SEMA6D: variants seen among roughly 807,000 people sequenced by gnomAD.
SEMA6D encodes semaphorin 6D.
SEMA6D carries 35 observed loss-of-function variants against 106.6 expected under a neutral mutation model. The ratio of observed to expected loss-of-function variants is 0.33; its 90% CI spans 0.25 to 0.44. The LOEUF is 0.44. Ranked by LOEUF, SEMA6D falls within the 20% of genes least tolerant of loss-of-function variation. The probability of loss-of-function intolerance (pLI) is 1.00; values close to 1 mark genes in which losing one functional copy is unlikely to be tolerated. For synonymous variants in SEMA6D, 499 were observed against 487.7 expected (o/e 1.02, Z -0.31); for missense variants, 1,185 against 1,345.9 (o/e 0.88, Z 1.87).
chr15:47,584,915 C>T (rs796256599), intron 3 of SEMA6D, among the ~76,000 whole-genome samples: 15 of 152,252 alleles, frequency 9.9e-5, no homozygotes, highest in African/African-American at 3.6e-4. Context: ...AAGTTTCTTT[C>T]AAGGCTGTGA....
At chr15:47,630,038 T>C (rs2077266817) in intron 4 of SEMA6D, among the ~76,000 whole-genome samples, 1 of 151,926 alleles carries the variant, frequency 6.6e-6, no homozygotes, top group African/African-American at 2.4e-5. Flanking sequence ...TTTGATATAC[T>C]GATTTCTTTT....
chr15:47,547,016 T>C (rs910760860), intron 3 of SEMA6D, among the ~76,000 whole-genome samples: 14 of 152,054 alleles, frequency 9.2e-5, no homozygotes, highest in African/African-American at 3.1e-4. Flanking sequence ...CAGTGGAGGA[T>C]CACAGCTTAC....
At chr15:47,280,227 G>A (rs1341191556) in intron 1 of SEMA6D, among the ~76,000 whole-genome samples, 6 of 152,120 alleles carry the variant, frequency 3.9e-5, no homozygotes, top group Admixed American at 2.6e-4. Context: ...TCTATTCAGA[G>A]ATTCAACTTC....
At chr15:47,499,886 A>T (rs1435764) in intron 3 of SEMA6D, among the ~76,000 whole-genome samples, 70,560 of 151,700 alleles carry the variant, frequency 0.47, 17,883 homozygotes, top group East Asian at 0.82. Flanking sequence ...TTTGTTTTAA[A>T]CTTCAGTGCT....
At chr15:47,524,385 C>G (rs1039262163) in intron 3 of SEMA6D, among the ~76,000 whole-genome samples, 2 of 152,112 alleles carry the variant, frequency 1.3e-5, no homozygotes, top group Non-Finnish European at 2.9e-5. Context: ...TACCGTTCCC[C>G]CTTGTGAGGC....
rs538781081 is a variant in SEMA6D at position 47,740,311 on chromosome 15, G to C, written c.-54-19434G>C. 5.3e-5 allele frequency among the ~76,000 whole-genome samples: 8 copies of C among 152,270 alleles called. No individual in the cohort carries two copies. The East Asian group carries it at 1.4e-3, about 26-fold the overall frequency. On this transcript the variant is annotated intron_variant, in intron 1 of 18. Coordinates refer to ENST00000536845, the MANE Select transcript of SEMA6D (RefSeq NM_001358351.3). ...TGAGGTGGGCAGATCAGCAGGTCAAGAGATCGAGACCATCCTGACCAACAT... is the reference window on the plus strand; with the variant it reads ...TGAGGTGGGCAGATCAGCAGGTCAACAGATCGAGACCATCCTGACCAACAT...
At chr15:47,519,428 G>A (rs1268018747) in intron 3 of SEMA6D, among the ~76,000 whole-genome samples, 1 of 152,104 alleles carries the variant, frequency 6.6e-6, no homozygotes, top group South Asian at 2.1e-4. Context: ...ATTATGAAGA[G>A]CATTACTGTA....
Position 47,704,901 on chromosome 15 carries a change from T to G in SEMA6D, c.-54-54844T>G, listed in dbSNP as rs1224654. Among the ~76,000 whole-genome samples the G allele has an allele frequency of 2.9e-3, 435 of 152,272 alleles. 3 individuals are homozygous for G. The highest frequency in any genetic ancestry group is 0.01 in the African/African-American group (421 of 41,552). On this transcript the variant is annotated intron_variant, in intron 4 of 19. Transcript: ENST00000558014. ...TTTACATTTTGAACATAGCAAAAAA[T>G]TATCCTATTCTAGTTTTGTATAAGA...
At chr15:47,486,644 C>T (rs1469797499) in intron 3 of SEMA6D, among the ~76,000 whole-genome samples, 1 of 152,188 alleles carries the variant, frequency 6.6e-6, no homozygotes, top group Non-Finnish European at 1.5e-5. Context: ...CCAGCTTTTC[C>T]ACCTGGCCAA....
intron 1 of SEMA6D, among the ~76,000 whole-genome samples, chr15:47,726,282 G>A (rs766165541): frequency 3.9e-5 from 6 of 152,256 alleles, no homozygotes; most frequent in African/African-American, 7.2e-5. Context: ...CTACCTCTGG[G>A]AGTATAGGAC....
intron 1 of SEMA6D, among the ~76,000 whole-genome samples, chr15:47,364,360 G>A (rs911099118): frequency 2.6e-5 from 4 of 152,098 alleles, no homozygotes; most frequent in Admixed American, 1.3e-4. Flanking sequence ...AATGACCAAG[G>A]CCTACATGAC....
At chr15:47,186,668 A>C (rs1051177184) in intron 1 of SEMA6D, among the ~76,000 whole-genome samples, 2 of 152,126 alleles carry the variant, frequency 1.3e-5, no homozygotes, top group Non-Finnish European at 2.9e-5. Flanking sequence ...CCAACTTAGT[A>C]CAGGACCACA....
At chr15:47,306,354 T>TA (rs2036233302) in intron 1 of SEMA6D, among the ~76,000 whole-genome samples, 2 of 152,214 alleles carry the variant, frequency 1.3e-5, no homozygotes, top group Non-Finnish European at 2.9e-5. Flanking sequence ...TTTCCTCTTT[T>TA]ATAATGTTTT....
chr15:47,615,030 G>A (rs943912650), intron 4 of SEMA6D, among the ~76,000 whole-genome samples: 6 of 152,078 alleles, frequency 3.9e-5, no homozygotes, highest in African/African-American at 1.2e-4. Flanking sequence ...AACCTGTTAG[G>A]GAATAAGCCT....
At chr15:47,277,706 C>T (rs777838950) in intron 1 of SEMA6D, among the ~76,000 whole-genome samples, 4 of 151,596 alleles carry the variant, frequency 2.6e-5, no homozygotes, top group Non-Finnish European at 2.9e-5. Context: ...TGGTGCGCTG[C>T]ACCTACTAAC....
chr15:47,324,185 C>T (rs1474639632), intron 1 of SEMA6D, among the ~76,000 whole-genome samples: 1 of 152,092 alleles, frequency 6.6e-6, no homozygotes, highest in Non-Finnish European at 1.5e-5. Flanking sequence ...GCAGTCAATA[C>T]ATCAATATAT....
At chr15:47,715,715 G>A (rs1362633696), upstream of SEMA6D, among the ~76,000 whole-genome samples, 3 of 152,158 alleles carry the variant, frequency 2.0e-5, no homozygotes, top group African/African-American at 4.8e-5. Context: ...CACTCTTCAG[G>A]TGGCACTCTG....
intron 2 of SEMA6D, among the ~76,000 whole-genome samples, chr15:47,450,396 C>T (rs899367449): frequency 6.6e-6 from 1 of 152,006 alleles, no homozygotes; most frequent in African/African-American, 2.4e-5. Context: ...GTCCCTGGGG[C>T]CTTAACAAAC....
intron 1 of SEMA6D, among the ~76,000 whole-genome samples, chr15:47,267,187 T>G (rs1393391661): frequency 6.6e-6 from 1 of 152,156 alleles, no homozygotes; most frequent in East Asian, 1.9e-4. Flanking sequence ...CATAGTACTT[T>G]TGCACTTGAA....
Sources: allele counts gnomAD v4.1 joint callset (sites outside exome capture counted in the v4.1 genomes callset), GRCh38; gene constraint gnomAD v4.1.1; transcripts MANE v1.5; gene names NCBI Gene and HGNC (gene_info 2026-07-23, HGNC 2026-07-21).